The following RASA2 variants were observed in gnomAD, a reference collection of about 807,000 sequenced individuals.
RASA2 encodes ras GTPase-activating protein 2.
A neutral mutation model predicts 118.2 loss-of-function variants in RASA2; 155 were observed. The ratio of observed to expected loss-of-function variants is 1.31; its 90% CI spans 1.15 to 1.50. The LOEUF (loss-of-function observed/expected upper bound fraction) is 1.50, where lower values mean the gene tolerates loss of function less well. RASA2 is among the 40% of genes most tolerant of loss of function. The probability of loss-of-function intolerance (pLI) is 0.00; values close to 1 mark genes in which losing one functional copy is unlikely to be tolerated. For missense variants in RASA2, 1,016 were observed against 1,009.6 expected (o/e 1.01, Z -0.09); for synonymous variants, 353 against 349.1 (o/e 1.01, Z -0.12).
chr3:141,519,543 T>C (rs984529601), intron 3 of RASA2, among the ~76,000 whole-genome samples: 1 of 152,198 alleles, frequency 6.6e-6, no homozygotes, highest in Non-Finnish European at 1.5e-5. Context: ...CAAAAGGCAT[T>C]TTCTTAGTTT....
chr3:141,575,592 A>G (rs1202834209), intron 14 of RASA2, among the ~76,000 whole-genome samples: 3 of 152,208 alleles, frequency 2.0e-5, no homozygotes, highest in African/African-American at 7.2e-5. Context: ...GGTTTAGAGA[A>G]GCTGAGTAAC....
chr3:141,544,223 A>C (rs1255045651), intron 5 of RASA2, among the ~76,000 whole-genome samples: 2 of 152,098 alleles, frequency 1.3e-5, no homozygotes, highest in Non-Finnish European at 2.9e-5. Context: ...TGTATCCTGG[A>C]ATAGATTTAT....
intron 5 of RASA2, among the ~76,000 whole-genome samples, chr3:141,541,105 C>T (rs1008224809): frequency 2.3e-4 from 35 of 152,234 alleles, no homozygotes; most frequent in African/African-American, 7.9e-4. Flanking sequence ...TAGCCCAATC[C>T]CCTACTCTTT....
At chr3:141,541,033 C>T (rs2082397544) in intron 5 of RASA2, among the ~76,000 whole-genome samples, 2 of 152,006 alleles carry the variant, frequency 1.3e-5, no homozygotes, top group South Asian at 4.1e-4. Context: ...TTACCTCTTC[C>T]ACCCTCAAGT....
At chr3:141,531,567 A>T (rs1187221542) in intron 4 of RASA2, among the ~76,000 whole-genome samples, 1 of 151,928 alleles carries the variant, frequency 6.6e-6, no homozygotes, top group South Asian at 2.1e-4. Flanking sequence ...ATGTATATAT[A>T]CACATTTGAG....
At chr3:141,577,547 AAGAAAGAAGGCTACAAG>A (rs1265062145) in intron 15 of RASA2, among the ~76,000 whole-genome samples, 2 of 152,178 alleles carry the variant, frequency 1.3e-5, no homozygotes, top group African/African-American at 4.8e-5. Flanking sequence ...GCTCTTCTCT[AAGAAAGAAGGCTACAAG>A]AGAAATTCCA....
chr3:141,599,225 T>C (rs139096936), intron 19 of RASA2, among the ~76,000 whole-genome samples: 140 of 150,980 alleles, frequency 9.3e-4, no homozygotes, highest in African/African-American at 3.3e-3. Context: ...GAAGATTGAG[T>C]TTCTTTGTTT....
intron 17 of RASA2, among the ~76,000 whole-genome samples, chr3:141,582,778 G>C (rs932244955): frequency 1.5e-4 from 23 of 152,192 alleles, no homozygotes; most frequent in Admixed American, 7.9e-4. Flanking sequence ...AAAAGCTTGT[G>C]AAGCTCAATT....
intron 22 of RASA2, 145 bp downstream of exon 22, chr3:141,609,668 AT>A: frequency 2.5e-6 from 2 of 793,524 alleles, no homozygotes; most frequent in Non-Finnish European, 3.8e-6. Context: ...ACAGAGAGGC[AT>A]TTTTCATTGA....
chr3:141,580,681 C>T (rs749961122), intron 16 of RASA2, among the ~76,000 whole-genome samples: 8 of 152,028 alleles, frequency 5.3e-5, no homozygotes, highest in African/African-American at 1.2e-4. Flanking sequence ...TCCCAGGAAG[C>T]CGAAGCGGGA....
intron 3 of RASA2, among the ~76,000 whole-genome samples, chr3:141,517,348 C>T (rs2082042099): frequency 6.6e-6 from 1 of 152,126 alleles, no homozygotes; most frequent in South Asian, 2.1e-4. Context: ...TTTATTGGCT[C>T]ACAGTTTTTC....
rs1414528543 is a variant in RASA2, at chr3:141,612,976, A to G, written c.*663A>G. 1.3e-5 allele frequency: 2 copies of G among 152,330 alleles called. No homozygotes were observed. Among genetic ancestry groups the G allele is most frequent in the Admixed American group, 1.3e-4 (2 of 15,290 alleles). The allele number at this position is 152,330 out of a possible 1,614,324, so 9.4% of individuals were successfully genotyped here. On this transcript the variant is annotated 3_prime_UTR_variant, in exon 24 of 24. Transcript: ENST00000286364. ...GTGCTATTGTGTGCATCTTGTTTAC[A>G]TTTGGGATCAGTGATGGCAAAAGAA...
chr3:141,590,567 CTGTT>C (rs1339131576), intron 19 of RASA2, among the ~76,000 whole-genome samples: 1 of 152,206 alleles, frequency 6.6e-6, no homozygotes, highest in Non-Finnish European at 1.5e-5. Flanking sequence ...TTTGCATTCT[CTGTT>C]TGGTTGTTGA....
At chr3:141,494,067 A>C (rs923205403) in intron 1 of RASA2, among the ~76,000 whole-genome samples, 10 of 152,248 alleles carry the variant, frequency 6.6e-5, no homozygotes, top group African/African-American at 2.4e-4. Flanking sequence ...TTATTTAGCC[A>C]GTCCCCTATT....
intron 15 of RASA2, among the ~76,000 whole-genome samples, chr3:141,579,724 A>G (rs911323845): frequency 2.0e-5 from 3 of 152,140 alleles, no homozygotes; most frequent in African/African-American, 4.8e-5. Context: ...CCAAGGTGCC[A>G]TACTGTACAA....
chr3:141,516,875 C>T (rs1017573335), intron 3 of RASA2, among the ~76,000 whole-genome samples: 6 of 151,768 alleles, frequency 4.0e-5, no homozygotes, highest in East Asian at 1.9e-4. Context: ...CCAGGTTAAG[C>T]GATTTCTCCT....
rs1417266649 is a variant in RASA2, at chr3:141,487,197, G to A, written c.114G>A (p.Gln38=). Reference sequence around the variant, plus strand: ...ACAGTCGCGAGGTTCGAGTGTTGCAGAGCCTGCGGGGCAAGATCTGTAAGC... The same window carrying A: ...ACAGTCGCGAGGTTCGAGTGTTGCAAAGCCTGCGGGGCAAGATCTGTAAGC... ...DQDSREVRVL[Q]SLRGKICEAK... is the part of the protein sequence containing the mutation. The change falls in exon 1 of 24, where the codon CAG becomes CAA. Residue 38 remains glutamine, a synonymous_variant. Transcript: ENST00000286364. The A allele has an allele frequency of 3.4e-6, 5 of 1,450,002 alleles. No individual in the cohort carries two copies. Among genetic ancestry groups the A allele is most frequent in the Non-Finnish European group, 4.6e-6 (5 of 1,090,214 alleles). The allele number at this position is 1,450,002 out of a possible 1,614,324, so 89.8% of individuals were successfully genotyped here. A position where few individuals can be genotyped will look rare whatever the true frequency, so the allele number is the denominator to read the frequency against.
intron 17 of RASA2, among the ~76,000 whole-genome samples, chr3:141,581,427 T>C (rs1422179780): frequency 1.3e-5 from 2 of 152,162 alleles, no homozygotes; most frequent in African/African-American, 2.4e-5. Context: ...ATGTCTAGGG[T>C]TAGGATTTCT....
chr3:141,546,884 A>G (rs2082494080), intron 5 of RASA2, among the ~76,000 whole-genome samples: 1 of 152,168 alleles, frequency 6.6e-6, no homozygotes. Flanking sequence ...ATATGGTGAG[A>G]GATACGGGTT....
Sources: allele counts gnomAD v4.1 joint callset (sites outside exome capture counted in the v4.1 genomes callset), GRCh38; gene constraint gnomAD v4.1.1; transcripts MANE v1.5; gene names NCBI Gene and HGNC (gene_info 2026-07-23, HGNC 2026-07-21).